The following SEMA4D variants were observed in gnomAD, a reference collection of about 807,000 sequenced individuals.
SEMA4D encodes semaphorin-4D.
In SEMA4D, 22 loss-of-function variants were observed where a neutral mutation model predicts 74.8. The observed-to-expected ratio is 0.29, with a 90% CI of 0.21 to 0.42. SEMA4D has a LOEUF of 0.42. Ranked by LOEUF, SEMA4D falls within the 10% of genes least tolerant of loss-of-function variation. SEMA4D has a pLI of 1.00. For synonymous variants in SEMA4D, 445 were observed against 463.7 expected (o/e 0.96, Z 0.52); for missense variants, 937 against 1,118.4 (o/e 0.84, Z 2.31).
At chr9:89,385,883 T>A in intron 13 of SEMA4D, 1 of 120,254 alleles carries the variant, frequency 8.3e-6, no homozygotes, top group Non-Finnish European at 9.9e-6. Context: ...CACCCACCCC[T>A]GCCAAGGGCT....
At chr9:89,388,295 G>T (rs1277968256) in intron 11 of SEMA4D, among the ~76,000 whole-genome samples, 1 of 152,260 alleles carries the variant, frequency 6.6e-6, no homozygotes, top group Non-Finnish European at 1.5e-5. Flanking sequence ...GAAAAAATGT[G>T]ACTCCTGTTG....
At chr9:89,379,891 G>A (rs374449820) in intron 15 of SEMA4D, among the ~76,000 whole-genome samples, 4 of 152,336 alleles carry the variant, frequency 2.6e-5, no homozygotes, top group South Asian at 2.1e-4. Context: ...AAGAAAACGC[G>A]TCAGGCTGGG....
At chr9:89,389,133 C>T (rs943965640) in intron 9 of SEMA4D, 86 bp from the exon 10 acceptor site, 5 of 1,410,946 alleles carry the variant, frequency 3.5e-6, no homozygotes, top group Non-Finnish European at 5.0e-6. Context: ...CCCTCCATGG[C>T]CCAGCACAGC....
At chr9:89,461,700 C>CTCTCTT (rs71281350) in intron 1 of SEMA4D, among the ~76,000 whole-genome samples, 3 of 103,646 alleles carry the variant, frequency 2.9e-5, no homozygotes, top group African/African-American at 1.0e-4. Context: ...TCTTTTTTCT[C>CTCTCTT]TTTTTTTTTT....
intron 1 of SEMA4D, among the ~76,000 whole-genome samples, chr9:89,494,239 A>T (rs758024151): frequency 2.0e-5 from 3 of 152,212 alleles, no homozygotes; most frequent in Admixed American, 6.5e-5. Context: ...ACAGAAACAA[A>T]CCATACATAA....
At chr9:89,434,407 T>C (rs1210693400) in intron 2 of SEMA4D, among the ~76,000 whole-genome samples, 1 of 152,226 alleles carries the variant, frequency 6.6e-6, no homozygotes, top group African/African-American at 2.4e-5. Context: ...ATTGCTTCTT[T>C]GGGTTTTCAC....
At chr9:89,463,859 A>C (rs1305159622) in intron 1 of SEMA4D, among the ~76,000 whole-genome samples, 1 of 150,946 alleles carries the variant, frequency 6.6e-6, no homozygotes, top group Admixed American at 6.7e-5. Flanking sequence ...GCTTGAACCC[A>C]GGAGGTGGAG....
At chr9:89,422,714 A>T (rs1448625402) in intron 2 of SEMA4D, among the ~76,000 whole-genome samples, 1 of 152,228 alleles carries the variant, frequency 6.6e-6, no homozygotes, top group African/African-American at 2.4e-5. Context: ...TTTAACCACC[A>T]GCAGTACCCG....
chr9:89,466,193 G>A (rs1588095880), intron 1 of SEMA4D, among the ~76,000 whole-genome samples: 1 of 152,080 alleles, frequency 6.6e-6, no homozygotes, highest in South Asian at 2.1e-4. Flanking sequence ...CACACCAAGG[G>A]ATCAGGCACA....
At chr9:89,385,451 G>A (rs561244510) in intron 13 of SEMA4D, 115 of 985,384 alleles carry the variant, frequency 1.2e-4, no homozygotes, top group African/African-American at 3.5e-4. Flanking sequence ...TGGCTAAAGC[G>A]TCGACCCTTC....
Position 89,396,741 on chromosome 9 carries a change from T to C in SEMA4D, c.410A>G (p.His137Arg). 1 of 1,612,862 alleles carries C rather than the reference T, an allele frequency of 6.2e-7. No individual in the cohort carries two copies. Among genetic ancestry groups the C allele is most frequent in the African/African-American group, 1.3e-5 (1 of 74,966 alleles). ...GGAGGTGCCCATCAGCCTTACCAGG[T>C]GGTCACAGGCCGGCTGGAATGCGTT... The part of the protein sequence containing the change: ...GTNAFQPACD[H>R]LNLTSFKFLG... The change falls in exon 6 of 16, where the codon CAC (histidine) becomes CGC (arginine). Residue 137 changes from histidine (H) to arginine (R), a missense_variant. Transcript: ENST00000422704.
chr9:89,481,470 C>T (rs368484090), intron 1 of SEMA4D, among the ~76,000 whole-genome samples: 3 of 152,322 alleles, frequency 2.0e-5, no homozygotes, highest in South Asian at 4.1e-4. Context: ...CTGGAGGGCC[C>T]TTGGTGTCCT....
chr9:89,427,376 C>A (rs1848324800), intron 2 of SEMA4D, among the ~76,000 whole-genome samples: 1 of 152,120 alleles, frequency 6.6e-6, no homozygotes, highest in African/African-American at 2.4e-5. Context: ...GGCGGTGTGA[C>A]CCTGGTGAGA....
At chr9:89,461,427 G>T (rs76993530) in intron 1 of SEMA4D, among the ~76,000 whole-genome samples, 2,099 of 152,214 alleles carry the variant, frequency 0.014, 33 homozygotes, top group Non-Finnish European at 0.019. Context: ...CAGCACTCGG[G>T]CTCCAAATTG....
intron 2 of SEMA4D, among the ~76,000 whole-genome samples, chr9:89,431,872 TCCTCAAGGACACGTTCCCAGC>T (rs1849343655): frequency 6.6e-6 from 1 of 152,110 alleles, no homozygotes; most frequent in South Asian, 2.1e-4. Context: ...CATTCCCGCC[TCCTCAAGGACACGTTCCCAGC>T]CCCTCCCTTG....
intron 2 of SEMA4D, among the ~76,000 whole-genome samples, chr9:89,426,578 A>T (rs1848148671): frequency 6.6e-6 from 1 of 152,112 alleles, no homozygotes; most frequent in African/African-American, 2.4e-5. Flanking sequence ...AAACAAAAGG[A>T]TGTTCGCCAT....
chr9:89,436,397 C>T (rs953997999), intron 2 of SEMA4D: 12 of 152,264 alleles, frequency 7.9e-5, no homozygotes, highest in African/African-American at 2.4e-4. Context: ...ATACTCAGGA[C>T]ACCATCTGGC....
intron 16 of SEMA4D, chr9:89,369,482 G>C (rs1341821544): frequency 6.6e-6 from 1 of 152,282 alleles, no homozygotes; most frequent in African/African-American, 2.4e-5. Flanking sequence ...GCAGGGCCCT[G>C]ACAGGGTAAA....
At chr9:89,444,815 C>G (rs961154654) in intron 2 of SEMA4D, among the ~76,000 whole-genome samples, 1 of 151,924 alleles carries the variant, frequency 6.6e-6, no homozygotes, top group Non-Finnish European at 1.5e-5. Context: ...ATCTGGACAG[C>G]AAATGATACA....
Sources: gnomAD v4.1 joint callset for allele counts (sites outside exome capture counted in the v4.1 genomes callset) on GRCh38, gnomAD v4.1.1 for gene constraint, MANE v1.5 for transcripts, NCBI Gene and HGNC (gene_info 2026-07-23, HGNC 2026-07-21) for gene names.